SLC35A5: variants seen among roughly 807,000 people sequenced by gnomAD.
SLC35A5 encodes the protein UDP-sugar transporter protein SLC35A5.
In SLC35A5, 28 loss-of-function variants were observed where a neutral mutation model predicts 36.3. The ratio of observed to expected loss-of-function variants is 0.77; its 90% CI spans 0.57 to 1.06. The LOEUF (loss-of-function observed/expected upper bound fraction) is 1.06. Ranked by LOEUF, SLC35A5 falls within the 50% of genes least tolerant of loss-of-function variation. SLC35A5 has a pLI of 0.00. For missense variants in SLC35A5, 521 were observed against 499.3 expected (o/e 1.04, Z -0.41); for synonymous variants, 180 against 173.7 (o/e 1.04, Z -0.29).
In SLC35A5 at chr3:112,582,053, C is replaced by T. The variant is rs146607413; in HGVS notation, c.1210-618C>T. Among the ~76,000 whole-genome samples the T allele has an allele frequency of 1.0e-2, 1,516 of 152,174 alleles. 7 individuals are homozygous for T. The highest frequency in any genetic ancestry group is 0.016 in the Non-Finnish European group (1,077 of 67,990). ...AGATTCAATTAAGGAGTTAAATATACGTTTAAATAAGTGAAATAGACATCT... is the reference window on the plus strand; with the variant it reads ...AGATTCAATTAAGGAGTTAAATATATGTTTAAATAAGTGAAATAGACATCT... On this transcript the variant is annotated intron_variant, in intron 6 of 6. Transcript: ENST00000492406.
chr3:112,575,834 A>G lies in SLC35A5; in HGVS notation c.428+1878A>G, dbSNP rs953092652. The stretch of plus-strand genomic sequence containing the variant: ...GAGTGCAGTGGCACCGTCTTGGCTC[A>G]TTGCAACCTCCTCTTCCCGTCTTCA... On this transcript the variant is annotated intron_variant, in intron 5 of 6. Transcript: ENST00000492406. Among the ~76,000 whole-genome samples, 9 of 142,496 alleles carry G rather than the reference A, an allele frequency of 6.3e-5. 1 individual carries two copies. The South Asian group carries it at 1.9e-3, about 31-fold the overall frequency. 93.5% of individuals were successfully genotyped at this position (142,496 alleles called of 152,430 possible).
chr3:112,580,559 T>C lies in SLC35A5; in HGVS notation c.442T>C (p.Trp148Arg), dbSNP rs756268619. Residue 148 changes from tryptophan (W) to arginine (R), a missense_variant, in exon 6 of 7, where the codon TGG becomes CGG. Transcript: ENST00000492406. ...ATCTTTGAACAGGAGGCGTCTAAAC[T>C]GGATCCAGTGGGCTTCCCTCCTGAC... Reference protein sequence around the residue: ...FRIVLKRRLNWIQWASLLTLF... With the variant: ...FRIVLKRRLNRIQWASLLTLF... 1.9e-6 allele frequency: 3 copies of C among 1,612,392 alleles called. No individual in the cohort carries two copies. The highest frequency in any genetic ancestry group is 2.5e-6 in the Non-Finnish European group (3 of 1,179,188).
At position 112,583,017 on chromosome 3, in the gene SLC35A5, T is replaced by C. The variant is rs1453559601; in HGVS notation, c.*281T>C. 1 of 438,766 alleles carries C rather than the reference T, an allele frequency of 2.3e-6. No individual in the cohort carries two copies. Among genetic ancestry groups the C allele is most frequent in the Non-Finnish European group, 4.0e-6 (1 of 250,140 alleles). 27.2% of individuals were successfully genotyped at this position (438,766 alleles called of 1,614,324 possible). On this transcript the variant is annotated 3_prime_UTR_variant, in exon 7 of 7. Transcript: ENST00000492406. ...TATGTGCAGATTATTTTCCTTGGCCTTCAAGCTTCCAAAAAACTTGTAATA... is the reference window on the plus strand; with the variant it reads ...TATGTGCAGATTATTTTCCTTGGCCCTCAAGCTTCCAAAAAACTTGTAATA...
intron 1 of SLC35A5, 63 bp from the exon 2 acceptor site, chr3:112,563,322 C>A: frequency 3.7e-6 from 5 of 1,349,826 alleles, no homozygotes; most frequent in Middle Eastern, 2.0e-4. Flanking sequence ...TCCTCACGAT[C>A]AATGGTATTT....
At chr3:112,575,338 A>C (rs185191005) in intron 5 of SLC35A5, among the ~76,000 whole-genome samples, 2 of 152,286 alleles carry the variant, frequency 1.3e-5, no homozygotes, top group African/African-American at 4.8e-5. Context: ...CATCAATTTC[A>C]AACTGAATTT....
rs759423884 is a variant in SLC35A5, at chr3:112,570,540, A to T, written c.230A>T (p.Asp77Val). The T allele has an allele frequency of 1.2e-6, 2 of 1,606,228 alleles. No homozygotes were observed. Among genetic ancestry groups the T allele is most frequent in the African/African-American group, 1.3e-5 (1 of 74,556 alleles). Residue 77 changes from aspartate (D) to valine (V), a missense_variant and splice_region_variant, in exon 4 of 7, where the codon GAT (aspartate) becomes GTT (valine). Asp to Val is a radical substitution (Grantham distance 152). Coordinates refer to ENST00000492406, the MANE Select transcript of SLC35A5 (RefSeq NM_017945.5). ...VLVSFCVIKK[D>V]HQSRNLKYAS... is the part of the protein sequence containing the mutation. ...CATTTACACCGTGTTTCTTTCTAAGATCATCAAAGTAGAAATTTGAAATAT... is the reference window on the plus strand; with the variant it reads ...CATTTACACCGTGTTTCTTTCTAAGTTCATCAAAGTAGAAATTTGAAATAT...
At chr3:112,582,424 C>T (rs1361858240) in intron 6 of SLC35A5, among the ~76,000 whole-genome samples, 1 of 152,116 alleles carries the variant, frequency 6.6e-6, no homozygotes, top group Admixed American at 6.6e-5. Context: ...TTCTGCAAGA[C>T]CAGCAGGTGG....
chr3:112,579,239 T>G (rs111422414), intron 5 of SLC35A5, among the ~76,000 whole-genome samples: 237 of 152,306 alleles, frequency 1.6e-3, no homozygotes, highest in African/African-American at 5.1e-3. Flanking sequence ...TCTTTAGTGT[T>G]TAAGTACATG....
In SLC35A5 at chr3:112,570,106, T is replaced by C. The variant is rs144653212; in HGVS notation, c.230-434T>C. On this transcript the variant is annotated intron_variant, in intron 3 of 6. Coordinates refer to ENST00000492406, the MANE Select transcript of SLC35A5 (RefSeq NM_017945.5). ...AGAGATGGAATAATAACTGACAGGA[T>C]TACTAAAAGTTAACTTTCTCTAGTT... 3.7e-4 allele frequency among the ~76,000 whole-genome samples: 56 copies of C among 152,334 alleles called. No individual in the cohort carries two copies. The East Asian group carries it at 0.011, about 29-fold the overall frequency.
intron 2 of SLC35A5, among the ~76,000 whole-genome samples, chr3:112,564,909 G>C (rs953584250): frequency 1.0e-3 from 152 of 152,326 alleles, no homozygotes; most frequent in African/African-American, 3.4e-3. Context: ...GGGAGCACAG[G>C]GTTGGGGGTA....
intron 2 of SLC35A5, among the ~76,000 whole-genome samples, chr3:112,563,774 G>T (rs565314547): frequency 1.3e-5 from 2 of 152,322 alleles, no homozygotes; most frequent in East Asian, 3.9e-4. Context: ...AGAACCAGTC[G>T]TAACATTTGA....
intron 2 of SLC35A5, among the ~76,000 whole-genome samples, chr3:112,567,549 C>T (rs564807966): frequency 2.6e-5 from 4 of 152,328 alleles, no homozygotes; most frequent in Admixed American, 6.5e-5. Context: ...AAGTGATCCA[C>T]CTGCCTCGGC....
chr3:112,580,445 C>G, intron 5 of SLC35A5, 101 bp from the exon 6 acceptor site: 1 of 1,327,014 alleles, frequency 7.5e-7, no homozygotes, highest in Non-Finnish European at 1.0e-6. Context: ...AAAACTGGGT[C>G]CAGTTTATTC....
intron 2 of SLC35A5, among the ~76,000 whole-genome samples, chr3:112,567,133 G>A (rs1934231127): frequency 6.6e-6 from 1 of 151,984 alleles, no homozygotes; most frequent in Non-Finnish European, 1.5e-5. Flanking sequence ...GGCTGAGGCA[G>A]GAGAATGACG....
At chr3:112,574,022 T>C (rs1020688457) in intron 5 of SLC35A5, 66 bp downstream of exon 5, 7 of 1,349,854 alleles carry the variant, frequency 5.2e-6, no homozygotes, top group Non-Finnish European at 7.4e-6. Context: ...TCAAATGATA[T>C]ACCCAGAACA....
At chr3:112,561,496 C>T, upstream of SLC35A5, 1 of 1,612,130 alleles carries the variant, frequency 6.2e-7, no homozygotes, top group Non-Finnish European at 8.5e-7. Context: ...CTTCCAGTGC[C>T]TTTCCCTTCA....
intron 5 of SLC35A5, among the ~76,000 whole-genome samples, chr3:112,579,965 T>C (rs1934829865): frequency 6.6e-6 from 1 of 152,258 alleles, no homozygotes; most frequent in Admixed American, 6.5e-5. Flanking sequence ...ACTGAAATAC[T>C]GCCCAAAATA....
chr3:112,568,035 CATTT>C (rs1934276425), intron 2 of SLC35A5, among the ~76,000 whole-genome samples: 1 of 152,180 alleles, frequency 6.6e-6, no homozygotes, highest in African/African-American at 2.4e-5. Flanking sequence ...TTCAGGTGAA[CATTT>C]ATTAAGTGCC....
chr3:112,585,092 G>C lies in SLC35A5; in HGVS notation c.*2356G>C, dbSNP rs1009864675. The C allele has an allele frequency of 6.6e-6, 1 of 150,892 alleles. No homozygotes were observed. Among genetic ancestry groups the C allele is most frequent in the Non-Finnish European group, 1.5e-5 (1 of 68,034 alleles). 9.3% of individuals were successfully genotyped at this position (150,892 alleles called of 1,614,324 possible). On this transcript the variant is annotated 3_prime_UTR_variant, in exon 7 of 7. Coordinates refer to ENST00000492406, the MANE Select transcript of SLC35A5 (RefSeq NM_017945.5). The stretch of plus-strand genomic sequence containing the variant: ...GAGACTGGGTAATCTATAAAGAAAA[G>C]GGGTTTAAATGACTCGCAGTTCTGC...
Sources: gnomAD v4.1 joint callset for allele counts (sites outside exome capture counted in the v4.1 genomes callset) on GRCh38, gnomAD v4.1.1 for gene constraint, MANE v1.5 for transcripts, NCBI Gene and HGNC (gene_info 2026-07-23, HGNC 2026-07-21) for gene names.